Variants in PCDH15 observed in about 807,000 individuals in gnomAD.
PCDH15 encodes the protein protocadherin related 15, also known as protocadherin-15.
PCDH15 carries 129 observed loss-of-function variants against 178.5 expected under a neutral mutation model. The observed-to-expected ratio is 0.72, with a 90% CI of 0.63 to 0.84. PCDH15 has a LOEUF of 0.84. Ranked by LOEUF, PCDH15 falls within the 40% of genes least tolerant of loss-of-function variation. The probability of loss-of-function intolerance (pLI) is 0.00; values close to 1 mark genes in which losing one functional copy is unlikely to be tolerated. For missense variants in PCDH15, 2,230 were observed against 2,099.9 expected (o/e 1.06, Z -1.21); for synonymous variants, 800 against 732.0 (o/e 1.09, Z -1.50).
chr10:55,128,640 C>T (rs1044279623), intron 2 of PCDH15, among the ~76,000 whole-genome samples: 2 of 152,050 alleles, frequency 1.3e-5, no homozygotes, highest in South Asian at 2.1e-4. Flanking sequence ...GACTGTCATA[C>T]ACTTATTCAG....
At chr10:54,801,878 A>C (rs1412135876), upstream of PCDH15, among the ~76,000 whole-genome samples, 1 of 152,258 alleles carries the variant, frequency 6.6e-6, no homozygotes, top group African/African-American at 2.4e-5. Flanking sequence ...GAAATCTCCA[A>C]AACAAAGTTT....
chr10:53,967,208 T>C (rs1259788527), intron 21 of PCDH15, among the ~76,000 whole-genome samples: 6 of 152,160 alleles, frequency 3.9e-5, no homozygotes, highest in Non-Finnish European at 8.8e-5. Context: ...CTTTTCCCCC[T>C]TTTGCTTGGC....
chr10:53,960,106 G>A (rs943669274), intron 22 of PCDH15, among the ~76,000 whole-genome samples: 1 of 152,020 alleles, frequency 6.6e-6, no homozygotes, highest in African/African-American at 2.4e-5. Flanking sequence ...CTAACTCTAT[G>A]ATTAAAAAAC....
intron 3 of PCDH15, among the ~76,000 whole-genome samples, chr10:54,866,292 A>C (rs1400563235): frequency 6.6e-6 from 1 of 152,192 alleles, no homozygotes; most frequent in African/African-American, 2.4e-5. Flanking sequence ...CAACTATTAA[A>C]AGTCTAACCC....
intron 2 of PCDH15, among the ~76,000 whole-genome samples, chr10:55,047,263 A>G (rs2131983809): frequency 6.6e-6 from 1 of 152,044 alleles, no homozygotes; most frequent in South Asian, 2.1e-4. Flanking sequence ...AGAAACAGAC[A>G]TAAATACAAA....
chr10:53,840,195 T>C, intron 29 of PCDH15, 125 bp downstream of exon 29: 1 of 1,201,310 alleles, frequency 8.3e-7, no homozygotes, highest in Non-Finnish European at 1.2e-6. Context: ...GGTTCTTTGC[T>C]TACACTTCAC....
intron 21 of PCDH15, among the ~76,000 whole-genome samples, chr10:53,975,896 G>C (rs2090143758): frequency 6.6e-6 from 1 of 152,076 alleles, no homozygotes; most frequent in African/African-American, 2.4e-5. Context: ...GATTTTTATA[G>C]TTTTATGTCT....
chr10:55,145,770 T>G (rs1838490757), intron 2 of PCDH15, among the ~76,000 whole-genome samples: 1 of 151,918 alleles, frequency 6.6e-6, no homozygotes, highest in Non-Finnish European at 1.5e-5. Context: ...AAAAAAATAT[T>G]ATTTTCCTAC....
At chr10:54,285,205 TA>T (rs955916623) in intron 8 of PCDH15, among the ~76,000 whole-genome samples, 1 of 150,112 alleles carries the variant, frequency 6.7e-6, no homozygotes, top group Non-Finnish European at 1.5e-5. Flanking sequence ...TTTTTTTGGA[TA>T]AAAACTTAAA....
intron 36 of PCDH15, 124 bp from the exon 37 acceptor site, chr10:53,810,788 C>A (rs1046730576): frequency 1.1e-5 from 10 of 874,366 alleles, no homozygotes; most frequent in Non-Finnish European, 1.9e-5. Context: ...CAGCACCTAT[C>A]AGGCTCCTTG....
At chr10:53,828,227 A>G (rs1471893702) in intron 31 of PCDH15, among the ~76,000 whole-genome samples, 1 of 149,672 alleles carries the variant, frequency 6.7e-6, no homozygotes, top group Non-Finnish European at 1.5e-5. Context: ...AAAAAAAAAA[A>G]AAAAAAAAAA....
rs542964788 is a variant in PCDH15 at position 54,761,670 on chromosome 10, G to A, written c.-29+39255C>T. 3.2e-4 allele frequency among the ~76,000 whole-genome samples: 48 copies of A among 151,722 alleles called. 1 individual carries two copies. In the South Asian group the frequency reaches 6.0e-3, roughly 19 times the overall value. Reference sequence around the variant, plus strand: ...TGCACTCCAGCCTGGGCAACATAGCGAGACTCTGTCTCAAAAACAAAACAA... The same window carrying A: ...TGCACTCCAGCCTGGGCAACATAGCAAGACTCTGTCTCAAAAACAAAACAA... On this transcript the variant is annotated intron_variant, in intron 1 of 37. Coordinates refer to ENST00000644397, the MANE Select transcript of PCDH15 (RefSeq NM_001384140.1).
intron 2 of PCDH15, among the ~76,000 whole-genome samples, chr10:54,531,468 G>A (rs1175566119): frequency 2.0e-5 from 3 of 152,070 alleles, no homozygotes; most frequent in African/African-American, 7.2e-5. Flanking sequence ...CAGATACTAA[G>A]CCTGTGATAC....
At chr10:54,354,271 C>T (rs1944620480) in intron 5 of PCDH15, among the ~76,000 whole-genome samples, 1 of 152,186 alleles carries the variant, frequency 6.6e-6, no homozygotes, top group Admixed American at 6.5e-5. Context: ...AAGCAAAAGC[C>T]ACTGTGCCCG....
chr10:54,417,141 T>C (rs9415315), intron 3 of PCDH15, among the ~76,000 whole-genome samples: 31,233 of 151,986 alleles, frequency 0.21, 3,981 homozygotes, highest in African/African-American at 0.36. Context: ...CCACGCACCT[T>C]AGTCTCCCAA....
intron 3 of PCDH15, among the ~76,000 whole-genome samples, chr10:54,824,003 C>T (rs1233540904): frequency 1.3e-5 from 2 of 152,080 alleles, no homozygotes; most frequent in Non-Finnish European, 2.9e-5. Context: ...TTATCAAGCC[C>T]TGGCATTTTC....
intron 3 of PCDH15, among the ~76,000 whole-genome samples, chr10:54,894,231 C>T (rs930889067): frequency 1.3e-5 from 2 of 151,948 alleles, no homozygotes; most frequent in African/African-American, 4.8e-5. Flanking sequence ...ATTCATAAAG[C>T]AATATATTGT....
At chr10:54,654,123 TCTC>T (rs1468145169) in intron 2 of PCDH15, among the ~76,000 whole-genome samples, 1 of 152,174 alleles carries the variant, frequency 6.6e-6, no homozygotes, top group African/African-American at 2.4e-5. Context: ...TTGATCAACA[TCTC>T]CTCTTTCCCA....
At chr10:54,047,555 C>A (rs1338541702) in intron 18 of PCDH15, among the ~76,000 whole-genome samples, 1 of 151,816 alleles carries the variant, frequency 6.6e-6, no homozygotes, top group Admixed American at 6.6e-5. Flanking sequence ...AGTTTTCAAC[C>A]CTTGTGCCCC....
Sources: allele counts gnomAD v4.1 joint callset (sites outside exome capture counted in the v4.1 genomes callset), GRCh38; gene constraint gnomAD v4.1.1; transcripts MANE v1.5; gene names NCBI Gene and HGNC (gene_info 2026-07-23, HGNC 2026-07-21).